Variants in PCA3 observed in about 807,000 individuals in gnomAD.
PCA3 encodes Differential Display code 3.
At chr9:76,779,069 A>G (rs1028791062) in intron 2 of PCA3, 24 of 152,240 alleles carry the variant, frequency 1.6e-4, no homozygotes, top group Non-Finnish European at 7.3e-5. Context: ...TGAAGATACT[A>G]TGTTATGTGA....
intron 2 of PCA3, among the ~76,000 whole-genome samples, chr9:76,771,829 C>T (rs927833406): frequency 6.6e-6 from 1 of 152,132 alleles, no homozygotes; most frequent in Non-Finnish European, 1.5e-5. Flanking sequence ...ACAAAAGCCA[C>T]CAACCACTCA....
chr9:76,776,508 T>C (rs922056660), intron 2 of PCA3, among the ~76,000 whole-genome samples: 3 of 149,078 alleles, frequency 2.0e-5, no homozygotes, highest in African/African-American at 7.4e-5. Context: ...TCTTTTTTTT[T>C]TTCTTTTTTC....
intron 2 of PCA3, chr9:76,764,542 C>T (rs1037537545): frequency 2.6e-5 from 4 of 152,202 alleles, no homozygotes; most frequent in Admixed American, 1.3e-4. Context: ...TGGGAAGGAC[C>T]TGATGATACA....
Position 76,774,453 on chromosome 9 carries a change from T to TATTTATTTATTTATTTATTTA in PCA3, n.853-34130_853-34129insATTTATTTATTTATTTATTTA, listed in dbSNP as rs370472844. 5.6e-4 allele frequency among the ~76,000 whole-genome samples: 69 copies of TATTTATTTATTTATTTATTTA among 122,300 alleles called. 1 individual carries two copies. Among genetic ancestry groups the TATTTATTTATTTATTTATTTA allele is most frequent in the South Asian group, 2.1e-3 (7 of 3,394 alleles). The allele number at this position is 122,300 out of a possible 152,430, so 80.2% of individuals were successfully genotyped here. ...GTTCCTGGCCTCCAGTTCAACCCTT[T>TATTTATTTATTTATTTATTTA]TTTTTTTTTTTTTTTTTTTTTTTTG... On this transcript the variant is annotated intron_variant and non_coding_transcript_variant, in intron 2 of 5. Transcript: ENST00000644657.
intron 2 of PCA3, among the ~76,000 whole-genome samples, chr9:76,776,416 A>C (rs1463976676): frequency 6.6e-6 from 1 of 152,062 alleles, no homozygotes; most frequent in Non-Finnish European, 1.5e-5. Context: ...GAATTATTTC[A>C]CATAGGATAA....
At chr9:76,786,721 G>A (rs2055025833) in intron 2 of PCA3, 1 of 152,140 alleles carries the variant, frequency 6.6e-6, no homozygotes, top group South Asian at 2.1e-4. Context: ...AATAGATGCT[G>A]CCTATGGGCT....
chr9:76,764,857 G>C (rs2052163813), intron 2 of PCA3, among the ~76,000 whole-genome samples: 1 of 152,120 alleles, frequency 6.6e-6, no homozygotes, highest in African/African-American at 2.4e-5. Context: ...TGATATTAGA[G>C]ATTTTTGTCT....
intron 2 of PCA3, among the ~76,000 whole-genome samples, chr9:76,783,135 TTTTG>T (rs2054601380): frequency 6.6e-6 from 1 of 151,900 alleles, no homozygotes; most frequent in Non-Finnish European, 1.5e-5. Flanking sequence ...CTATGCCTTT[TTTTG>T]TTTGTTTGTT....
At chr9:76,766,678 G>A (rs1009343961) in intron 2 of PCA3, among the ~76,000 whole-genome samples, 1 of 151,928 alleles carries the variant, frequency 6.6e-6, no homozygotes, top group Non-Finnish European at 1.5e-5. Context: ...AGTCACACTC[G>A]TCTTCTTCAA....
At chr9:76,780,083 C>A (rs1345271110) in intron 2 of PCA3, among the ~76,000 whole-genome samples, 1 of 152,108 alleles carries the variant, frequency 6.6e-6, no homozygotes, top group African/African-American at 2.4e-5. Flanking sequence ...TCTTTGTTGC[C>A]TTTTAATTGA....
intron 2 of PCA3, among the ~76,000 whole-genome samples, chr9:76,774,905 T>C (rs1324835103): frequency 2.0e-5 from 3 of 152,260 alleles, no homozygotes; most frequent in Non-Finnish European, 2.9e-5. Context: ...CAGCTATGAA[T>C]TACTTTTTGT....
chr9:76,781,509 C>T (rs913574153), intron 2 of PCA3, among the ~76,000 whole-genome samples: 1 of 152,182 alleles, frequency 6.6e-6, no homozygotes, highest in Non-Finnish European at 1.5e-5. Flanking sequence ...ATTGTATATG[C>T]TTGGTTTATA....
chr9:76,775,336 TC>T (rs2053617188), intron 2 of PCA3, among the ~76,000 whole-genome samples: 2 of 152,148 alleles, frequency 1.3e-5, no homozygotes, highest in Non-Finnish European at 2.9e-5. Context: ...TCACTCTGTC[TC>T]CCAGCCTGGA....
intron 2 of PCA3, among the ~76,000 whole-genome samples, chr9:76,771,754 T>C (rs1337684658): frequency 1.3e-5 from 2 of 152,252 alleles, no homozygotes; most frequent in African/African-American, 4.8e-5. Context: ...AATCTGCTAC[T>C]GCTTTCTGTT....
chr9:76,780,216 T>C (rs1338936951), intron 2 of PCA3, among the ~76,000 whole-genome samples: 1 of 152,228 alleles, frequency 6.6e-6, no homozygotes, highest in Non-Finnish European at 1.5e-5. Flanking sequence ...TTATATTTTC[T>C]ATATTTATTT....
At chr9:76,776,518 C>CTTTTT (rs796197139) in intron 2 of PCA3, among the ~76,000 whole-genome samples, 1 of 122,850 alleles carries the variant, frequency 8.1e-6, no homozygotes, top group African/African-American at 3.0e-5. Flanking sequence ...TTTCTTTTTT[C>CTTTTT]TTTTTTTTTT....
intron 2 of PCA3, among the ~76,000 whole-genome samples, chr9:76,780,778 G>A (rs1180708610): frequency 2.6e-5 from 4 of 152,186 alleles, no homozygotes; most frequent in Non-Finnish European, 5.9e-5. Context: ...TGTGGTAGGT[G>A]TTTCCCACAA....
At chr9:76,764,815 A>G (rs1452323691) in intron 2 of PCA3, among the ~76,000 whole-genome samples, 1 of 152,054 alleles carries the variant, frequency 6.6e-6, no homozygotes, top group African/African-American at 2.4e-5. Context: ...GGCTTCCATG[A>G]TCCTTCTCCC....
intron 2 of PCA3, among the ~76,000 whole-genome samples, chr9:76,765,199 A>G (rs2130810917): frequency 6.6e-6 from 1 of 152,306 alleles, no homozygotes; most frequent in South Asian, 2.1e-4. Flanking sequence ...GAATTCCAAC[A>G]TGTAGAAGTT....
Sources: allele counts gnomAD v4.1 joint callset (sites outside exome capture counted in the v4.1 genomes callset), GRCh38; gene constraint gnomAD v4.1.1; transcripts MANE v1.5; gene names NCBI Gene and HGNC (gene_info 2026-07-23, HGNC 2026-07-21).